The following GPC5 variants were observed in gnomAD, a reference collection of about 807,000 sequenced individuals.
GPC5 encodes glypican 5.
A neutral mutation model predicts 53.9 loss-of-function variants in GPC5; 47 were observed. The ratio of observed to expected loss-of-function variants is 0.87; its 90% CI spans 0.69 to 1.11. GPC5 has a LOEUF of 1.11. Ranked by LOEUF, GPC5 falls within the 50% of genes most tolerant of loss-of-function variation. The pLI, the probability that GPC5 is intolerant of heterozygous loss-of-function variation, is 0.00. For missense variants in GPC5, 748 were observed against 713.1 expected (o/e 1.05, Z -0.56); for synonymous variants, 286 against 263.3 (o/e 1.09, Z -0.84).
chr13:91,617,618 C>A (rs984537368), intron 2 of GPC5, among the ~76,000 whole-genome samples: 33 of 152,068 alleles, frequency 2.2e-4, no homozygotes, highest in African/African-American at 7.7e-4. Flanking sequence ...TATGACAAAG[C>A]AATCCCTCCC....
intron 6 of GPC5, among the ~76,000 whole-genome samples, chr13:92,031,736 T>TTATATGTAATATATTACA: frequency 1.5e-5 from 1 of 65,090 alleles, no homozygotes; most frequent in African/African-American, 6.7e-5. Flanking sequence ...ATATTACATA[T>TTATATGTAATATATTACA]TATATATAAT....
chr13:92,741,089 A>T (rs1889078924), intron 7 of GPC5, among the ~76,000 whole-genome samples: 1 of 150,530 alleles, frequency 6.6e-6, no homozygotes, highest in African/African-American at 2.4e-5. Context: ...CTATGGTTTG[A>T]ATGTGCCCCC....
chr13:92,550,745 A>G (rs1221416813), intron 7 of GPC5, among the ~76,000 whole-genome samples: 5 of 151,926 alleles, frequency 3.3e-5, no homozygotes. Context: ...TGGCGCTTGG[A>G]AAGATATATC....
intron 7 of GPC5, among the ~76,000 whole-genome samples, chr13:92,569,041 AG>A (rs1456571269): frequency 1.3e-5 from 2 of 149,512 alleles, no homozygotes; most frequent in African/African-American, 2.5e-5. Flanking sequence ...CTCGTCATTT[AG>A]CATTAGGTAT....
In GPC5 at chr13:92,728,674, A is replaced by G. The variant is rs1017443873; in HGVS notation, c.1562-137608A>G. ...AGTCACTATCTTAATGTTTTCCTGG[A>G]ACAGACTTAAATAACTGGGTAACAT... is the stretch of plus-strand genomic sequence containing the variant. On this transcript the variant is annotated intron_variant, in intron 7 of 7. Transcript: ENST00000377067. 2.6e-5 allele frequency among the ~76,000 whole-genome samples: 4 copies of G among 151,430 alleles called. No individual in the cohort carries two copies. In the Admixed American group the frequency reaches 2.6e-4, roughly 10 times the overall value.
rs2042136651 is a variant in GPC5 at position 92,180,187 on chromosome 13, C to T, written c.1561+35198C>T. ...AAAACTGCAGGTTTGGTTGAAAAGTCCCCACAGTTAACCTGATTTATACCA... is the reference window on the plus strand; with the variant it reads ...AAAACTGCAGGTTTGGTTGAAAAGTTCCCACAGTTAACCTGATTTATACCA... On this transcript the variant is annotated intron_variant, in intron 7 of 7. Transcript: ENST00000377067. Among the ~76,000 whole-genome samples the T allele has an allele frequency of 2.0e-5, 3 of 152,190 alleles. 1 individual carries two copies. Among genetic ancestry groups the T allele is most frequent in the Non-Finnish European group, 4.4e-5 (3 of 68,024 alleles).
intron 3 of GPC5, among the ~76,000 whole-genome samples, chr13:91,723,594 C>T (rs1263666329): frequency 6.6e-6 from 1 of 151,998 alleles, no homozygotes; most frequent in Admixed American, 6.6e-5. Context: ...AGAGCTTTAA[C>T]TTCTTCATTC....
intron 7 of GPC5, among the ~76,000 whole-genome samples, chr13:92,268,546 C>T (rs2042817996): frequency 6.6e-6 from 1 of 151,564 alleles, no homozygotes; most frequent in Non-Finnish European, 1.5e-5. Flanking sequence ...ATTATTTAAC[C>T]AGCTCTATAT....
intron 5 of GPC5, among the ~76,000 whole-genome samples, chr13:91,812,322 A>C (rs1439881066): frequency 2.0e-5 from 3 of 152,128 alleles, no homozygotes; most frequent in Non-Finnish European, 2.9e-5. Flanking sequence ...AAAACACATA[A>C]ATTTTTTGTT....
chr13:92,440,254 T>G (rs1471999954), intron 7 of GPC5, among the ~76,000 whole-genome samples: 1 of 152,156 alleles, frequency 6.6e-6, no homozygotes, highest in Non-Finnish European at 1.5e-5. Context: ...TACCCCTCCC[T>G]CTCTCTCCAT....
intron 7 of GPC5, among the ~76,000 whole-genome samples, chr13:92,829,015 T>A (rs1331619848): frequency 3.9e-5 from 6 of 152,170 alleles, no homozygotes; most frequent in Admixed American, 3.3e-4. Flanking sequence ...AAACCATTTT[T>A]AAAAATGAAA....
intron 7 of GPC5, among the ~76,000 whole-genome samples, chr13:92,694,002 C>T (rs2139238316): frequency 1.3e-5 from 2 of 152,334 alleles, no homozygotes; most frequent in Admixed American, 1.3e-4. Flanking sequence ...CCCAGCAGCT[C>T]CAGCTGCAGA....
At chr13:91,806,156 G>A (rs754899252) in intron 5 of GPC5, among the ~76,000 whole-genome samples, 2 of 144,218 alleles carry the variant, frequency 1.4e-5, no homozygotes, top group Non-Finnish European at 3.0e-5. Context: ...ATACCTCAGC[G>A]TCCCGAGTGG....
chr13:91,893,420 T>C (rs2039408847), intron 5 of GPC5, among the ~76,000 whole-genome samples: 1 of 152,096 alleles, frequency 6.6e-6, no homozygotes, highest in Non-Finnish European at 1.5e-5. Context: ...AGCAGGCATC[T>C]GTCTAAATCA....
At chr13:92,302,934 A>G (rs9589493) in intron 7 of GPC5, among the ~76,000 whole-genome samples, 45,720 of 152,042 alleles carry the variant, frequency 0.3, 8,080 homozygotes, top group African/African-American at 0.49. Flanking sequence ...TACTGTCTCT[A>G]TACTCATTCT....
chr13:92,856,642 A>G (rs1879009723), intron 7 of GPC5, among the ~76,000 whole-genome samples: 1 of 152,162 alleles, frequency 6.6e-6, no homozygotes, highest in South Asian at 2.1e-4. Flanking sequence ...AAGTTTCAGG[A>G]TACAAAATCA....
chr13:91,801,914 C>T (rs1048460747), intron 5 of GPC5, among the ~76,000 whole-genome samples: 1 of 152,168 alleles, frequency 6.6e-6, no homozygotes, highest in Non-Finnish European at 1.5e-5. Context: ...CTTCATCATA[C>T]CACATTCCTA....
chr13:91,641,012 C>T (rs979323894), intron 2 of GPC5, among the ~76,000 whole-genome samples: 2 of 152,120 alleles, frequency 1.3e-5, no homozygotes, highest in African/African-American at 4.8e-5. Flanking sequence ...TTATCCTCAG[C>T]AAACTAACAC....
At chr13:92,633,089 C>A (rs1379260445) in intron 7 of GPC5, among the ~76,000 whole-genome samples, 1 of 152,114 alleles carries the variant, frequency 6.6e-6, no homozygotes, top group Non-Finnish European at 1.5e-5. Context: ...CGGGGTTTCA[C>A]CATGTTGGCC....
Sources: gnomAD v4.1 joint callset for allele counts (sites outside exome capture counted in the v4.1 genomes callset) on GRCh38, gnomAD v4.1.1 for gene constraint, MANE v1.5 for transcripts, NCBI Gene and HGNC (gene_info 2026-07-23, HGNC 2026-07-21) for gene names.